Variants in CPT1C observed in about 807,000 individuals in gnomAD.
The protein encoded by CPT1C is carnitine palmitoyltransferase 1C, also known as palmitoyl thioesterase CPT1C.
In CPT1C, 61 loss-of-function variants were observed where a neutral mutation model predicts 97.3. The observed-to-expected ratio is 0.63, with a 90% CI of 0.51 to 0.78. CPT1C has a LOEUF of 0.78. Ranked by LOEUF, CPT1C falls within the 30% of genes least tolerant of loss-of-function variation. The pLI, the probability that CPT1C is intolerant of heterozygous loss-of-function variation, is 0.00. For synonymous variants in CPT1C, 469 were observed against 447.2 expected, an observed-to-expected ratio of 1.05 and a Z score of -0.61; for missense variants, 975 against 1,065.5, an observed-to-expected ratio of 0.92 and a Z score of 1.18.
chr19:49,695,991 C>T (rs1320896534), intron 3 of CPT1C, among the ~76,000 whole-genome samples: 1 of 152,022 alleles, frequency 6.6e-6, no homozygotes, highest in Non-Finnish European at 1.5e-5. Context: ...ATTTTTCTGC[C>T]TTAGCCTCCT....
intron 4 of CPT1C, among the ~76,000 whole-genome samples, chr19:49,698,962 G>A (rs1028590430): frequency 3.3e-5 from 5 of 152,026 alleles, no homozygotes; most frequent in African/African-American, 1.2e-4. Flanking sequence ...AATTAGCCGA[G>A]TGTGGTGGCA....
chr19:49,710,962 A>G (rs2083836068), intron 16 of CPT1C, 105 bp downstream of exon 16: 2 of 1,232,184 alleles, frequency 1.6e-6, no homozygotes, highest in South Asian at 3.0e-5. Flanking sequence ...GAGGAGCACA[A>G]GGGACAAGGG....
intron 7 of CPT1C, 70 bp downstream of exon 7, chr19:49,701,704 C>G (rs976530966): frequency 6.8e-7 from 1 of 1,475,508 alleles, no homozygotes; most frequent in Non-Finnish European, 9.1e-7. Flanking sequence ...GCTAAACTTG[C>G]GAGTTATACG....
chr19:49,691,361 G>A (rs1444797899), intron 1 of CPT1C, 21 bp downstream of exon 1: 3 of 150,158 alleles, frequency 2.0e-5, no homozygotes, highest in Admixed American at 2.0e-4. Flanking sequence ...GACCCCAGGG[G>A]CTCGGGCTCC....
chr19:49,699,760 G>A (rs116375189), intron 4 of CPT1C, among the ~76,000 whole-genome samples: 4,071 of 152,062 alleles, frequency 0.027, 166 homozygotes, highest in African/African-American at 0.092. Flanking sequence ...TTCGAGAGCC[G>A]CCTGGCCAAT....
chr19:49,707,599 C>T lies in CPT1C; in HGVS notation c.1425C>T (p.Cys475=), dbSNP rs368130899. 3 of 1,612,876 alleles carry T rather than the reference C, an allele frequency of 1.9e-6. No homozygotes were observed. Among genetic ancestry groups the T allele is most frequent in the Non-Finnish European group, 2.5e-6 (3 of 1,179,428 alleles). Residue 475 remains cysteine (C), a synonymous_variant, in exon 13 of 20, where the codon TGC becomes TGT. Coordinates refer to ENST00000598293, the MANE Select transcript of CPT1C (RefSeq NM_001199753.2). ...GLSVEHSWAD[C]PISGHMWEFT... ...GCGTGGAGCACTCCTGGGCCGACTG[C>T]CCCATCTCAGGACACATGTGGGAGG...
Position 49,706,412 on chromosome 19 carries a change from CGGTGAGTGAGTCTT to C in CPT1C, c.1343+2_1343+15del. 1 of 1,477,992 alleles carries C rather than the reference CGGTGAGTGAGTCTT, an allele frequency of 6.8e-7. No homozygotes were observed. The highest frequency in any genetic ancestry group is 8.9e-7 in the Non-Finnish European group (1 of 1,122,724). 91.6% of individuals were successfully genotyped at this position (1,477,992 alleles called of 1,614,324 possible). A position where few individuals can be genotyped will look rare whatever the true frequency, so the allele number is the denominator to read the frequency against. On this transcript the variant is annotated splice_donor_variant and splice_donor_5th_base_variant and coding_sequence_variant and intron_variant, in exon 12 of 20. Coordinates refer to ENST00000598293, the MANE Select transcript of CPT1C (RefSeq NM_001199753.2). LOFTEE classifies it high-confidence loss of function. This position sits in a 1 kb window ranked among gnomAD's most constrained non-coding sequence, Gnocchi z 4.8. ...TCTGCTGGCCGGCCGGGGCCATGAT[CGGTGAGTGAGTCTT>C]GGGATGGGGCCCCCAGATGTGGCAC...
At chr19:49,712,001 A>T (rs756446596) in intron 17 of CPT1C, 40 bp downstream of exon 17, 11 of 1,596,806 alleles carry the variant, frequency 6.9e-6, no homozygotes, top group Non-Finnish European at 7.7e-6. Flanking sequence ...GAAGTGGGAG[A>T]CCATGGAAGA....
At chr19:49,711,726 A>C (rs1189072111) in intron 16 of CPT1C, 83 bp from the exon 17 acceptor site, 16 of 1,419,078 alleles carry the variant, frequency 1.1e-5, no homozygotes, top group Non-Finnish European at 1.4e-5. Context: ...TGGCAAACTC[A>C]GTTGAGGCCA....
At chr19:49,709,798 C>T (rs868752545) in intron 14 of CPT1C, among the ~76,000 whole-genome samples, 1 of 152,040 alleles carries the variant, frequency 6.6e-6, no homozygotes, top group Middle Eastern at 3.4e-3. Flanking sequence ...TCAGGTGATC[C>T]AGCCACCTCA....
Position 49,692,413 on chromosome 19 carries a change from G to A in CPT1C, c.141+20G>A, listed in dbSNP as rs1193628289. On this transcript the variant is annotated intron_variant, in intron 3 of 19. Transcript: ENST00000598293. Reference sequence around the variant, plus strand: ...TTCTGGGTGAGGAGCGGTGCTGGTCGGTTTCCTTCCGGGGATCCAGGTTTC... The same window carrying A: ...TTCTGGGTGAGGAGCGGTGCTGGTCAGTTTCCTTCCGGGGATCCAGGTTTC... 3 of 1,612,910 alleles carry A rather than the reference G, an allele frequency of 1.9e-6. No homozygotes were observed. Among genetic ancestry groups the A allele is most frequent in the Admixed American group, 1.7e-5 (1 of 59,922 alleles).
upstream of CPT1C, chr19:49,690,894 A>G (rs1394044914): frequency 6.0e-6 from 1 of 168,064 alleles, no homozygotes; most frequent in Non-Finnish European, 1.3e-5. This position sits in a 1 kb window ranked among gnomAD's most constrained non-coding sequence, Gnocchi z 4.4. Context: ...TTCCTCGAAG[A>G]GACAGGAGAC....
At chr19:49,699,095 T>C (rs1323257532) in intron 4 of CPT1C, among the ~76,000 whole-genome samples, 2 of 151,262 alleles carry the variant, frequency 1.3e-5, no homozygotes, top group Admixed American at 6.6e-5. Context: ...AGAGAGAGAC[T>C]CCGTCTCAAT....
chr19:49,707,663 C>T, intron 13 of CPT1C, 40 bp downstream of exon 13: 1 of 1,391,296 alleles, frequency 7.2e-7, no homozygotes, highest in African/African-American at 1.4e-5. Flanking sequence ...GGACCCCTGC[C>T]CCATCTCCAA....
chr19:49,700,556 TA>T lies in CPT1C; in HGVS notation c.282-124del, dbSNP rs981340373. The T allele has an allele frequency of 1.1e-4, 113 of 1,033,170 alleles. No homozygotes were observed. The African/African-American group carries it at 1.6e-3, about 15-fold the overall frequency. The allele number at this position is 1,033,170 out of a possible 1,614,324, so 64.0% of individuals were successfully genotyped here. ...AGGGGGTGACAGAGCTCACACCTAC[TA>T]AAATGACAAAAATGGGTTTCTCTGT... On this transcript the variant is annotated intron_variant, in intron 4 of 19. Transcript: ENST00000598293.
In CPT1C at chr19:49,704,704, T is replaced by C. The variant is rs766171809; in HGVS notation, c.694-6T>C. 4 of 1,612,212 alleles carry C rather than the reference T, an allele frequency of 2.5e-6. No individual in the cohort carries two copies. In the Admixed American group the frequency reaches 6.7e-5, roughly 27 times the overall value. On this transcript the variant is annotated splice_region_variant and splice_polypyrimidine_tract_variant and intron_variant, in intron 7 of 19. Transcript: ENST00000598293. ...CTCACTGTGTGTCTCCCCACCCCGC[T>C]CCCAGGTCAGTGACTGGTGGGAGGA...
chr19:49,694,393 A>T (rs1289877890), intron 3 of CPT1C, among the ~76,000 whole-genome samples: 3 of 151,046 alleles, frequency 2.0e-5, no homozygotes, highest in Non-Finnish European at 1.5e-5. Flanking sequence ...CACTTTGGGA[A>T]GCCAAGGCAG....
At chr19:49,692,446 G>A (rs2082408796) in intron 3 of CPT1C, 53 bp downstream of exon 3, 8 of 1,600,914 alleles carry the variant, frequency 5.0e-6, no homozygotes, top group South Asian at 4.5e-5. Context: ...TTCTGCTTCC[G>A]GGATGTCTGA....
chr19:49,711,137 A>G, intron 16 of CPT1C: 1 of 233,134 alleles, frequency 4.3e-6, no homozygotes, highest in Non-Finnish European at 8.4e-6. Context: ...TCTGTTGCCC[A>G]GGCTGGAGTG....
Sources: allele counts gnomAD v4.1 joint callset (sites outside exome capture counted in the v4.1 genomes callset), GRCh38; gene constraint gnomAD v4.1.1; non-coding constraint Gnocchi (gnomAD v3.1); transcripts MANE v1.5; gene names NCBI Gene and HGNC (gene_info 2026-07-23, HGNC 2026-07-21).